The following JAK2 variants were observed in gnomAD, a reference collection of about 807,000 sequenced individuals.
JAK2 encodes the protein Janus kinase 2.
Under a neutral mutation model 139.3 loss-of-function variants are expected in JAK2, and 86 were observed. That is an observed-to-expected ratio of 0.62 (90% confidence interval 0.52 to 0.74). The LOEUF (loss-of-function observed/expected upper bound fraction) is 0.74. Ranked by LOEUF, JAK2 falls within the 30% of genes least tolerant of loss-of-function variation. The probability of loss-of-function intolerance (pLI) is 0.00; values close to 1 mark genes in which losing one functional copy is unlikely to be tolerated. For missense variants in JAK2, 1,421 were observed against 1,360.3 expected (o/e 1.04, Z -0.70); for synonymous variants, 490 against 437.7 (o/e 1.12, Z -1.49).
intron 4 of JAK2, among the ~76,000 whole-genome samples, chr9:5,033,345 A>C (rs1417310402): frequency 6.6e-6 from 1 of 152,214 alleles, no homozygotes; most frequent in African/African-American, 2.4e-5. Context: ...AACTTCCCTA[A>C]TCTAGCGAGG....
chr9:5,035,510 C>A (rs188556126), intron 4 of JAK2, among the ~76,000 whole-genome samples: 1 of 152,306 alleles, frequency 6.6e-6, no homozygotes, highest in East Asian at 1.9e-4. Context: ...CCGAATCCAG[C>A]AGCACATCAA....
intron 12 of JAK2, 41 bp from the exon 13 acceptor site, chr9:5,072,451 C>A: frequency 2.1e-6 from 3 of 1,444,356 alleles, no homozygotes; most frequent in Non-Finnish European, 1.8e-6. Context: ...CTTCGTTCTC[C>A]ATCTTTACTC....
At chr9:5,111,202 C>A in intron 22 of JAK2, 1 of 638,972 alleles carries the variant, frequency 1.6e-6, no homozygotes, top group Non-Finnish European at 2.8e-6. Flanking sequence ...GGGACCGGGA[C>A]TCGGAGGCAA....
At chr9:5,040,906 A>C in intron 4 of JAK2, 3 of 309,950 alleles carry the variant, frequency 9.7e-6, no homozygotes, top group Non-Finnish European at 6.2e-6. Context: ...CTGGCCGGCC[A>C]CCCAGACGCT....
intron 2 of JAK2, among the ~76,000 whole-genome samples, chr9:5,014,958 TAA>T (rs1050027698): frequency 1.3e-5 from 2 of 152,104 alleles, no homozygotes; most frequent in Non-Finnish European, 2.9e-5. Flanking sequence ...GAGATTTGTT[TAA>T]CACATGTATA....
At chr9:5,122,391 G>C (rs1480603577) in intron 22 of JAK2, among the ~76,000 whole-genome samples, 3 of 151,946 alleles carry the variant, frequency 2.0e-5, no homozygotes, top group Non-Finnish European at 4.4e-5. Flanking sequence ...TTCTTTTATA[G>C]CTTTAAGTCT....
At chr9:5,041,151 C>T in intron 4 of JAK2, 5 of 1,129,476 alleles carry the variant, frequency 4.4e-6, no homozygotes, top group Non-Finnish European at 3.9e-6. Context: ...CGGCTGATCA[C>T]GCGCATGGAT....
Position 5,080,324 on chromosome 9 carries a change from T to C in JAK2, c.2227T>C (p.Leu743=). ...AGACAAATGGAGTTTTGGTACCACTTTGTGGGAAATCTGCAGTGGAGGAGA... is the reference window on the plus strand; with the variant it reads ...AGACAAATGGAGTTTTGGTACCACTCTGTGGGAAATCTGCAGTGGAGGAGA... ...ATDKWSFGTT[L]WEICSGGDKP... is the part of the protein sequence containing the mutation. The change falls in exon 17 of 25, where the codon TTG becomes CTG. Residue 743 remains leucine (L), a synonymous_variant. Transcript: ENST00000381652. The C allele has an allele frequency of 6.2e-7, 1 of 1,613,932 alleles. No individual in the cohort carries two copies. The highest frequency in any genetic ancestry group is 8.5e-7 in the Non-Finnish European group (1 of 1,179,842).
intron 14 of JAK2, among the ~76,000 whole-genome samples, chr9:5,075,794 T>C (rs1303798121): frequency 2.0e-5 from 3 of 152,144 alleles, no homozygotes; most frequent in African/African-American, 2.4e-5. Flanking sequence ...AAGAAATACA[T>C]TTTGTAAGGC....
intron 12 of JAK2, among the ~76,000 whole-genome samples, chr9:5,071,558 A>G (rs1818950200): frequency 6.6e-6 from 1 of 152,216 alleles, no homozygotes; most frequent in Admixed American, 6.5e-5. Context: ...TAAATTACTT[A>G]TAGCTGAAGA....
At chr9:5,085,566 A>G (rs1343634368) in intron 19 of JAK2, 8 of 692,006 alleles carry the variant, frequency 1.2e-5, no homozygotes, top group East Asian at 1.0e-4. Context: ...TAACAGCTGT[A>G]TTTCCAGTTT....
intron 4 of JAK2, among the ~76,000 whole-genome samples, chr9:5,038,209 A>G (rs1260530845): frequency 3.9e-5 from 6 of 152,226 alleles, no homozygotes; most frequent in Admixed American, 1.3e-4. Flanking sequence ...GAAATGGACA[A>G]ATTCCTAGAA....
rs1272660270 is a variant in JAK2 at position 5,090,852 on chromosome 9, C to T, written c.3000C>T (p.Val1000=). 1 of 1,613,150 alleles carries T rather than the reference C, an allele frequency of 6.2e-7. No homozygotes were observed. Among genetic ancestry groups the T allele is most frequent in the Non-Finnish European group, 8.5e-7 (1 of 1,179,452 alleles). ...TTGGAGATTTTGGGTTAACCAAAGT[C>T]TTGCCACAAGACAAAGAATACTATA... ...VKIGDFGLTK[V]LPQDKEYYKV... is the part of the protein sequence containing the mutation. The change falls in exon 22 of 25, where the codon GTC becomes GTT. Residue 1000 remains valine (V), a synonymous_variant. Transcript: ENST00000381652.
At chr9:5,087,342 C>T (rs1216672861) in intron 19 of JAK2, among the ~76,000 whole-genome samples, 1 of 152,176 alleles carries the variant, frequency 6.6e-6, no homozygotes, top group Non-Finnish European at 1.5e-5. Context: ...TGAGAACTAT[C>T]ACGAGAACAG....
intron 22 of JAK2, chr9:5,111,159 G>C: frequency 3.7e-6 from 3 of 810,664 alleles, no homozygotes; most frequent in Admixed American, 2.1e-5. Context: ...AACTTGCTGA[G>C]TCGCACGGCA....
intron 2 of JAK2, among the ~76,000 whole-genome samples, chr9:5,010,062 G>A (rs774655428): frequency 8.5e-5 from 13 of 152,136 alleles, no homozygotes; most frequent in Non-Finnish European, 1.0e-4. Context: ...ATGAGCCATC[G>A]CACCTAGCCT....
At chr9:5,085,747 G>C (rs559889326) in intron 19 of JAK2, 1 of 754,508 alleles carries the variant, frequency 1.3e-6, no homozygotes, top group Admixed American at 1.7e-5. Flanking sequence ...GTGGCGCGCT[G>C]GCTAGCTTGC....
rs527982744 is a variant in JAK2, at chr9:5,005,083, ATTTTTTTTTTTTTTTTTTTTTTT to A, written c.-25-16853_-25-16831del. Among the ~76,000 whole-genome samples the A allele has an allele frequency of 7.7e-3, 310 of 40,024 alleles. 3 individuals are homozygous for A. The highest frequency in any genetic ancestry group is 0.011 in the Non-Finnish European group (248 of 22,410). The allele number at this position is 40,024 out of a possible 152,430, so 26.3% of individuals were successfully genotyped here. On this transcript the variant is annotated intron_variant, in intron 2 of 24. Coordinates refer to ENST00000381652, the MANE Select transcript of JAK2 (RefSeq NM_004972.4). The stretch of plus-strand genomic sequence containing the variant: ...AGGCATGTGCCAGCATGCCTGGCTA[ATTTTTTTTTTTTTTTTTTTTTTT>A]TTTTTTTTTTTTTTTTTTTTTTTTT...
chr9:5,089,983 C>A, intron 20 of JAK2, 120 bp downstream of exon 20: 2 of 521,620 alleles, frequency 3.8e-6, no homozygotes, highest in Non-Finnish European at 6.1e-6. Context: ...GAGAGGCATT[C>A]TATAATGACT....
Sources: gnomAD v4.1 joint callset for allele counts (sites outside exome capture counted in the v4.1 genomes callset) on GRCh38, gnomAD v4.1.1 for gene constraint, MANE v1.5 for transcripts, NCBI Gene and HGNC (gene_info 2026-07-23, HGNC 2026-07-21) for gene names.